AGAP1: variants seen among roughly 807,000 people sequenced by gnomAD.
AGAP1 encodes the protein arf-GAP with GTPase, ANK repeat and PH domain-containing protein 1.
A neutral mutation model predicts 105.3 loss-of-function variants in AGAP1; 29 were observed. The ratio of observed to expected loss-of-function variants is 0.28; its 90% CI spans 0.21 to 0.38. The LOEUF is 0.38. AGAP1 is among the 10% of genes least tolerant of loss of function. The pLI is 1.00. For missense variants in AGAP1, 998 were observed against 1,165.1 expected, an observed-to-expected ratio of 0.86 and a Z score of 2.09; for synonymous variants, 509 against 485.9, an observed-to-expected ratio of 1.05 and a Z score of -0.63.
intron 12 of AGAP1, among the ~76,000 whole-genome samples, chr2:235,949,809 C>T (rs112909954): frequency 3.3e-5 from 5 of 152,290 alleles, no homozygotes; most frequent in African/African-American, 9.6e-5. Flanking sequence ...ACCCTGTGCT[C>T]GTCTCTGATC....
intron 6 of AGAP1, among the ~76,000 whole-genome samples, chr2:235,756,573 G>A (rs929132250): frequency 1.3e-5 from 2 of 152,102 alleles, no homozygotes; most frequent in African/African-American, 4.8e-5. Flanking sequence ...AAAGATGTAC[G>A]TGAGTGGTCC....
rs1470589001 is a variant in AGAP1 at position 235,741,307 on chromosome 2, C to T, written c.396+259C>T. On this transcript the variant is annotated intron_variant, in intron 4 of 17. Transcript: ENST00000304032. This position sits in a 1 kb window ranked among gnomAD's most constrained non-coding sequence, Gnocchi z 4.9. ...TCTGTGTTTTTAAAAAGGCAGGAAA[C>T]GCACACTCTGCCCTGGTTGGGGAGC... Among the ~76,000 whole-genome samples, 1 of 152,108 alleles carries T rather than the reference C, an allele frequency of 6.6e-6. No individual in the cohort carries two copies. The highest frequency in any genetic ancestry group is 1.5e-5 in the Non-Finnish European group (1 of 68,038).
At chr2:235,688,124 A>T (rs1245756258) in intron 1 of AGAP1, among the ~76,000 whole-genome samples, 1 of 152,050 alleles carries the variant, frequency 6.6e-6, no homozygotes, top group Admixed American at 6.6e-5. Flanking sequence ...CTGGTCTCAA[A>T]GTCCCAACCT....
At chr2:236,110,423 C>A (rs893584326) in intron 16 of AGAP1, among the ~76,000 whole-genome samples, 3 of 151,474 alleles carry the variant, frequency 2.0e-5, no homozygotes, top group African/African-American at 7.3e-5. Context: ...ATTAGCTGGG[C>A]GTGGTGATGT....
At chr2:235,509,228 T>G (rs1574717220) in intron 1 of AGAP1, among the ~76,000 whole-genome samples, 1 of 152,326 alleles carries the variant, frequency 6.6e-6, no homozygotes, top group East Asian at 1.9e-4. Context: ...TTTCTGTTGT[T>G]GTTGTTTTTT....
In AGAP1 at chr2:235,989,106, A is replaced by G. The variant is rs759354922; in HGVS notation, c.1645+20483A>G. Among the ~76,000 whole-genome samples, 4 of 152,194 alleles carry G rather than the reference A, an allele frequency of 2.6e-5. No individual in the cohort carries two copies. The highest frequency in any genetic ancestry group is 5.9e-5 in the Non-Finnish European group (4 of 68,034). ...TGTGTCCTTCAAATAATAATGTGAG[A>G]TGAAGATGATGATGATGGTTGTTGT... On this transcript the variant is annotated intron_variant, in intron 13 of 17. Coordinates refer to ENST00000304032, the MANE Select transcript of AGAP1 (RefSeq NM_001037131.3). The surrounding 1 kb of genome is among the most constrained non-coding windows in gnomAD (Gnocchi z 4.4).
rs1333265466 is a variant in AGAP1 at position 236,001,810 on chromosome 2, C to T, written c.1645+33187C>T. On this transcript the variant is annotated intron_variant, in intron 13 of 17. Transcript: ENST00000304032. The surrounding 1 kb of genome is among the most constrained non-coding windows in gnomAD (Gnocchi z 4.7). ...CTGTTTGAAAGGCCACAGGGCACTG[C>T]GTGGAATGCGTGGTCTCTAATAGGT... 6.6e-6 allele frequency among the ~76,000 whole-genome samples: 1 copy of T among 152,338 alleles called. No individual in the cohort carries two copies. Among genetic ancestry groups the T allele is most frequent in the African/African-American group, 2.4e-5 (1 of 41,588 alleles).
At chr2:235,543,503 G>A (rs1466181413) in intron 1 of AGAP1, among the ~76,000 whole-genome samples, 2 of 152,218 alleles carry the variant, frequency 1.3e-5, no homozygotes, top group Non-Finnish European at 2.9e-5. Context: ...GCTGGGGCTC[G>A]GCCTGGTCTA....
At position 235,635,729 on chromosome 2, in the gene AGAP1, C is replaced by T. The variant is rs1044048811; in HGVS notation, c.164-73450C>T. On this transcript the variant is annotated intron_variant, in intron 1 of 17. Transcript: ENST00000304032. This position sits in a 1 kb window ranked among gnomAD's most constrained non-coding sequence, Gnocchi z 5.3. The stretch of plus-strand genomic sequence containing the variant: ...AGCCACGTTGCCCGGAAGTCTGATG[C>T]GTGAGGCGGGAAGGTTAAAACTTGT... Among the ~76,000 whole-genome samples, 14 of 152,108 alleles carry T rather than the reference C, an allele frequency of 9.2e-5. No individual in the cohort carries two copies. The highest frequency in any genetic ancestry group is 3.4e-4 in the African/African-American group (14 of 41,428).
rs2052661618 is a variant in AGAP1, at chr2:235,930,377, C to A, written c.1325-388C>A. On this transcript the variant is annotated intron_variant, in intron 11 of 17. Transcript: ENST00000304032. This position sits in a 1 kb window ranked among gnomAD's most constrained non-coding sequence, Gnocchi z 7.9. ...ATTTTCTGTTCCATTGGTAGGGTGA[C>A]ATGGCCGGGCTCCTGGAGCCCCCAT... Among the ~76,000 whole-genome samples the A allele has an allele frequency of 6.6e-6, 1 of 152,224 alleles. No individual in the cohort carries two copies. The highest frequency in any genetic ancestry group is 1.5e-5 in the Non-Finnish European group (1 of 68,050).
chr2:235,502,310 A>T (rs563298132), intron 1 of AGAP1, among the ~76,000 whole-genome samples: 2 of 152,288 alleles, frequency 1.3e-5, no homozygotes, highest in African/African-American at 4.8e-5. Flanking sequence ...TTCTTTGAGT[A>T]ACCAGCCAGA....
At position 235,988,770 on chromosome 2, in the gene AGAP1, G is replaced by T. The variant is rs954766167; in HGVS notation, c.1645+20147G>T. On this transcript the variant is annotated intron_variant, in intron 13 of 17. Transcript: ENST00000304032. The surrounding 1 kb of genome is among the most constrained non-coding windows in gnomAD (Gnocchi z 4.7). ...GATTGCACTTCAGAATCGGTGATGC[G>T]CACTCATTCCCCTGCACCCACCCTT... is the stretch of plus-strand genomic sequence containing the variant. Among the ~76,000 whole-genome samples, 2 of 152,058 alleles carry T rather than the reference G, an allele frequency of 1.3e-5. No individual in the cohort carries two copies. Among genetic ancestry groups the T allele is most frequent in the Non-Finnish European group, 2.9e-5 (2 of 68,014 alleles).
chr2:235,926,433 C>T (rs1482429437), intron 11 of AGAP1, among the ~76,000 whole-genome samples: 1 of 152,200 alleles, frequency 6.6e-6, no homozygotes, highest in Non-Finnish European at 1.5e-5. Context: ...AGTGTCGTGG[C>T]TCAGGTCGTG....
At chr2:235,626,385 A>G (rs777594433) in intron 1 of AGAP1, among the ~76,000 whole-genome samples, 58 of 151,924 alleles carry the variant, frequency 3.8e-4, no homozygotes, top group Non-Finnish European at 6.2e-4. Context: ...TATGGCTGAC[A>G]CTCTCTCCCT....
intron 9 of AGAP1, among the ~76,000 whole-genome samples, chr2:235,811,215 G>A (rs1958120608): frequency 6.6e-6 from 1 of 151,972 alleles, no homozygotes; most frequent in Admixed American, 6.6e-5. Flanking sequence ...ATACGCCTTG[G>A]CCTCCTCCGT....
intron 6 of AGAP1, among the ~76,000 whole-genome samples, chr2:235,783,663 A>G (rs911676243): frequency 6.6e-6 from 1 of 152,226 alleles, no homozygotes; most frequent in African/African-American, 2.4e-5. Context: ...GAAGTTCTAC[A>G]ACGGGCAAAC....
At position 235,906,200 on chromosome 2, in the gene AGAP1, C is replaced by T. The variant is rs975471416; in HGVS notation, c.1156-2538C>T. On this transcript the variant is annotated intron_variant, in intron 10 of 17. Transcript: ENST00000304032. This position sits in a 1 kb window ranked among gnomAD's most constrained non-coding sequence, Gnocchi z 5.3. Reference sequence around the variant, plus strand: ...TCGGGTGGCCGGGCACCTCTGCTCCCGGCCTCTGGGCTGATGTGAGATGCA... The same window carrying T: ...TCGGGTGGCCGGGCACCTCTGCTCCTGGCCTCTGGGCTGATGTGAGATGCA... Among the ~76,000 whole-genome samples, 27 of 152,188 alleles carry T rather than the reference C, an allele frequency of 1.8e-4. No homozygotes were observed. The highest frequency in any genetic ancestry group is 6.5e-5 in the Admixed American group (1 of 15,284).
rs1559631722 is a variant in AGAP1 at position 235,906,697 on chromosome 2, C to T, written c.1156-2041C>T. 6.7e-6 allele frequency among the ~76,000 whole-genome samples: 1 copy of T among 150,244 alleles called. No homozygotes were observed. Among genetic ancestry groups the T allele is most frequent in the African/African-American group, 2.5e-5 (1 of 39,648 alleles). On this transcript the variant is annotated intron_variant, in intron 10 of 17. Coordinates refer to ENST00000304032, the MANE Select transcript of AGAP1 (RefSeq NM_001037131.3). This position sits in a 1 kb window ranked among gnomAD's most constrained non-coding sequence, Gnocchi z 5.3. Reference sequence around the variant, plus strand: ...GCTCACCCACCTGACCATGGTTGGGCAGGGAGAAAACAGCTCTTCTCATCC... The same window carrying T: ...GCTCACCCACCTGACCATGGTTGGGTAGGGAGAAAACAGCTCTTCTCATCC...
chr2:235,859,098 T>TTAATGGTGCTC (rs1266392378), intron 9 of AGAP1, among the ~76,000 whole-genome samples: 2 of 152,218 alleles, frequency 1.3e-5, no homozygotes, highest in Non-Finnish European at 2.9e-5. Flanking sequence ...TCGATCTTTA[T>TTAATGGTGCTC]TAATGGTGCT....
Sources: gnomAD v4.1 joint callset for allele counts (sites outside exome capture counted in the v4.1 genomes callset) on GRCh38, gnomAD v4.1.1 for gene constraint, Gnocchi (gnomAD v3.1) non-coding constraint, MANE v1.5 for transcripts, NCBI Gene and HGNC (gene_info 2026-07-23, HGNC 2026-07-21) for gene names.